Variants in EPC2 observed in about 807,000 individuals in gnomAD.
The protein encoded by EPC2 is enhancer of polycomb homolog 2.
In EPC2, 14 loss-of-function variants were observed where a neutral mutation model predicts 92.1. The observed-to-expected ratio is 0.15, with a 90% CI of 0.10 to 0.24. The LOEUF is 0.24. Ranked by LOEUF, EPC2 falls within the 10% of genes least tolerant of loss-of-function variation. EPC2 has a pLI of 1.00. For synonymous variants in EPC2, 340 were observed against 334.7 expected (o/e 1.02, Z -0.17); for missense variants, 755 against 971.5 (o/e 0.78, Z 2.96).
chr2:148,677,857 A>G (rs1681302609), intron 1 of EPC2, among the ~76,000 whole-genome samples: 3 of 152,274 alleles, frequency 2.0e-5, no homozygotes, highest in Non-Finnish European at 4.4e-5. Context: ...CGCTGGCTTC[A>G]GGAGTGAAGC....
At chr2:148,699,271 TAGTC>T (rs1252870762) in intron 2 of EPC2, among the ~76,000 whole-genome samples, 9 of 152,236 alleles carry the variant, frequency 5.9e-5, no homozygotes, top group African/African-American at 2.2e-4. Context: ...TATCTTGTAT[TAGTC>T]AGTACATTTC....
intron 1 of EPC2, among the ~76,000 whole-genome samples, chr2:148,678,628 G>A (rs1024645915): frequency 2.0e-5 from 3 of 152,234 alleles, no homozygotes; most frequent in Admixed American, 6.5e-5. Flanking sequence ...TACAGCCTCC[G>A]CAGCCGCTGG....
At chr2:148,684,407 C>T (rs1222831471) in intron 1 of EPC2, among the ~76,000 whole-genome samples, 1 of 152,182 alleles carries the variant, frequency 6.6e-6, no homozygotes, top group Non-Finnish European at 1.5e-5. Flanking sequence ...GGTTCTTGGT[C>T]ATGAACTCGT....
Position 148,695,859 on chromosome 2 carries a change from C to T in EPC2, c.313+5486C>T, listed in dbSNP as rs1449011747. On this transcript the variant is annotated intron_variant, in intron 2 of 13. Coordinates refer to ENST00000258484, the MANE Select transcript of EPC2 (RefSeq NM_015630.4). ...TAAATAAAGACTGGTAAAACAATGC[C>T]ATGGGTACAGAAGCAGATTTTGTCA... 6.6e-5 allele frequency among the ~76,000 whole-genome samples: 10 copies of T among 152,150 alleles called. No homozygotes were observed. The East Asian group carries it at 1.2e-3, about 18-fold the overall frequency.
rs147697760 is a variant in EPC2 at position 148,674,908 on chromosome 2, C to G, written c.154-15306C>G. Among the ~76,000 whole-genome samples the G allele has an allele frequency of 2.5e-4, 38 of 152,240 alleles. 1 individual carries two copies. The East Asian group carries it at 7.3e-3, about 29-fold the overall frequency. ...GGGCTTACTCATCCTCCATCTTGCT[C>G]CCTTTACTGGTTTGTAACTTCGTAG... On this transcript the variant is annotated intron_variant, in intron 1 of 13. Transcript: ENST00000258484.
intron 4 of EPC2, among the ~76,000 whole-genome samples, chr2:148,757,606 G>A (rs958534647): frequency 2.8e-4 from 43 of 152,194 alleles, no homozygotes; most frequent in African/African-American, 1.0e-3. Context: ...CAGAGACTGA[G>A]GCGGGTGGAT....
intron 10 of EPC2, among the ~76,000 whole-genome samples, chr2:148,773,114 A>G (rs1683559207): frequency 6.6e-6 from 1 of 152,122 alleles, no homozygotes; most frequent in Non-Finnish European, 1.5e-5. Flanking sequence ...TTTTCCAGAA[A>G]GTGTATATAT....
intron 1 of EPC2, among the ~76,000 whole-genome samples, chr2:148,647,830 A>C (rs1470429392): frequency 6.7e-6 from 1 of 149,978 alleles, no homozygotes; most frequent in African/African-American, 2.5e-5. Context: ...ACGAGGTTTC[A>C]CCGTGTTGGC....
intron 4 of EPC2, among the ~76,000 whole-genome samples, chr2:148,757,945 G>T (rs537798291): frequency 1.4e-4 from 21 of 152,236 alleles, no homozygotes; most frequent in African/African-American, 4.6e-4. Context: ...TATTCCAGGT[G>T]TAGGGCTGGA....
intron 1 of EPC2, among the ~76,000 whole-genome samples, chr2:148,654,469 G>T (rs1010302056): frequency 1.3e-5 from 2 of 152,046 alleles, no homozygotes; most frequent in African/African-American, 4.8e-5. Flanking sequence ...ACCAGCTTGG[G>T]CAACATAGTA....
chr2:148,697,324 T>C (rs189290591), intron 2 of EPC2, among the ~76,000 whole-genome samples: 35 of 152,254 alleles, frequency 2.3e-4, no homozygotes, highest in African/African-American at 2.9e-4. Context: ...TTTTTTTTTT[T>C]CAATGGATAA....
At chr2:148,748,850 G>A (rs1480411255) in intron 3 of EPC2, among the ~76,000 whole-genome samples, 1 of 152,088 alleles carries the variant, frequency 6.6e-6, no homozygotes, top group Non-Finnish European at 1.5e-5. Context: ...CAGATTTATA[G>A]ATTAGAGCTG....
chr2:148,732,295 T>G (rs1197145091), intron 2 of EPC2, among the ~76,000 whole-genome samples: 1 of 152,174 alleles, frequency 6.6e-6, no homozygotes, highest in Non-Finnish European at 1.5e-5. Flanking sequence ...TGGTTGCATT[T>G]TCTCCTGATG....
intron 2 of EPC2, among the ~76,000 whole-genome samples, chr2:148,726,895 T>C (rs1214168859): frequency 2.0e-5 from 3 of 151,966 alleles, no homozygotes; most frequent in Non-Finnish European, 4.4e-5. Flanking sequence ...TTGCAGTCTG[T>C]TGATTGTTTC....
At chr2:148,667,191 C>T (rs574705360) in intron 1 of EPC2, among the ~76,000 whole-genome samples, 2 of 152,304 alleles carry the variant, frequency 1.3e-5, no homozygotes, top group Admixed American at 1.3e-4. Flanking sequence ...AGAAGCCTGT[C>T]TTGCTGTTCC....
At chr2:148,757,807 C>T (rs1240678002) in intron 4 of EPC2, among the ~76,000 whole-genome samples, 1 of 151,900 alleles carries the variant, frequency 6.6e-6, no homozygotes, top group Non-Finnish European at 1.5e-5. Flanking sequence ...TGCACTCCAG[C>T]CTGGGCAACA....
chr2:148,672,448 G>C (rs1681173970), intron 1 of EPC2, among the ~76,000 whole-genome samples: 1 of 151,976 alleles, frequency 6.6e-6, no homozygotes, highest in African/African-American at 2.4e-5. Context: ...GTGCTTCGTT[G>C]ATTTTGTTTT....
intron 1 of EPC2, among the ~76,000 whole-genome samples, chr2:148,668,147 T>A (rs1487201128): frequency 1.3e-5 from 2 of 152,192 alleles, no homozygotes; most frequent in Non-Finnish European, 2.9e-5. Context: ...TCCACCTGCC[T>A]CGGCCTCCCA....
At chr2:148,751,090 T>C (rs1409284763) in intron 3 of EPC2, among the ~76,000 whole-genome samples, 1 of 152,132 alleles carries the variant, frequency 6.6e-6, no homozygotes, top group Non-Finnish European at 1.5e-5. Flanking sequence ...TCTTAAAGTT[T>C]TTTCCCTTAT....
Sources: gnomAD v4.1 joint callset for allele counts (sites outside exome capture counted in the v4.1 genomes callset) on GRCh38, gnomAD v4.1.1 for gene constraint, MANE v1.5 for transcripts, NCBI Gene and HGNC (gene_info 2026-07-23, HGNC 2026-07-21) for gene names.